Variants in ZFR observed in about 807,000 individuals in gnomAD.
ZFR encodes zinc finger RNA-binding protein.
Under a neutral mutation model 130.7 loss-of-function variants are expected in ZFR, and 19 were observed. That is an observed-to-expected ratio of 0.15 (90% CI 0.10 to 0.21). The LOEUF (loss-of-function observed/expected upper bound fraction) is 0.21, where lower values mean the gene tolerates loss of function less well. ZFR is among the 10% of genes least tolerant of loss of function. The pLI, the probability that ZFR is intolerant of heterozygous loss-of-function variation, is 1.00. For missense variants in ZFR, 872 were observed against 1,321.5 expected, an observed-to-expected ratio of 0.66 and a Z score of 5.27; for synonymous variants, 466 against 456.9, an observed-to-expected ratio of 1.02 and a Z score of -0.25.
At chr5:32,407,090 T>C in intron 5 of ZFR, 69 bp from the exon 6 acceptor site, 2 of 1,257,850 alleles carry the variant, frequency 1.6e-6, no homozygotes, top group Non-Finnish European at 2.1e-6. Context: ...ATTTACAAAT[T>C]TAAATTAAAT....
At position 32,367,328 on chromosome 5, in the gene ZFR, A is replaced by C. The variant is rs985861408; in HGVS notation, c.2836-3053T>G. Among the ~76,000 whole-genome samples, 154 of 152,110 alleles carry C rather than the reference A, an allele frequency of 1.0e-3. 1 individual carries two copies. The highest frequency in any genetic ancestry group is 3.4e-3 in the African/African-American group (142 of 41,514). ...CAGGTGCCTGTAATCTCAGCTACTC[A>C]GGAGGCTGAGGCAGGAGAATCACTT... On this transcript the variant is annotated intron_variant, in intron 17 of 19. Coordinates refer to ENST00000265069, the MANE Select transcript of ZFR (RefSeq NM_016107.5).
chr5:32,435,197 C>A (rs1754307341), intron 2 of ZFR, among the ~76,000 whole-genome samples: 2 of 152,170 alleles, frequency 1.3e-5, no homozygotes, highest in South Asian at 4.1e-4. Context: ...AGGCATGAAC[C>A]ACAACACCCG....
At chr5:32,368,668 A>C (rs1302491219) in intron 17 of ZFR, among the ~76,000 whole-genome samples, 1 of 152,208 alleles carries the variant, frequency 6.6e-6, no homozygotes, top group African/African-American at 2.4e-5. Context: ...ACTGGAAACA[A>C]TCTCTAGCAC....
At chr5:32,408,328 A>ACAAAAC (rs367750726) in intron 5 of ZFR, among the ~76,000 whole-genome samples, 1 of 132,242 alleles carries the variant, frequency 7.6e-6, no homozygotes, top group South Asian at 2.4e-4. Context: ...AAAAAAAAAA[A>ACAAAAC]AAAAAAAAAC....
At chr5:32,420,312 A>T (rs919392689) in intron 2 of ZFR, among the ~76,000 whole-genome samples, 142 of 151,638 alleles carry the variant, frequency 9.4e-4, no homozygotes, top group Non-Finnish European at 1.7e-3. Flanking sequence ...TTTTTTTTTT[A>T]AATTTTCATT....
At chr5:32,366,520 T>C (rs540765479) in intron 17 of ZFR, among the ~76,000 whole-genome samples, 4 of 152,312 alleles carry the variant, frequency 2.6e-5, no homozygotes, top group Admixed American at 6.5e-5. Context: ...AAAAAGTCAA[T>C]ACACTTAAAC....
intron 8 of ZFR, among the ~76,000 whole-genome samples, chr5:32,400,764 G>T (rs11748379): frequency 9.2e-5 from 14 of 152,294 alleles, no homozygotes; most frequent in Non-Finnish European, 1.8e-4. Flanking sequence ...TGAGGTGGAA[G>T]GACTGCTTGA....
intron 14 of ZFR, among the ~76,000 whole-genome samples, chr5:32,386,571 T>C (rs1753050902): frequency 6.6e-6 from 1 of 152,062 alleles, no homozygotes; most frequent in African/African-American, 2.4e-5. Context: ...TCCCCCTTCA[T>C]TGCCCTAGCA....
At chr5:32,389,315 G>T (rs535519276) in intron 12 of ZFR, among the ~76,000 whole-genome samples, 6 of 152,200 alleles carry the variant, frequency 3.9e-5, no homozygotes, top group Middle Eastern at 3.4e-3. Flanking sequence ...CTAAGCCACT[G>T]GTAATGGAAA....
intron 6 of ZFR, 112 bp from the exon 7 acceptor site, chr5:32,404,209 CTT>C: frequency 1.1e-6 from 1 of 923,954 alleles, no homozygotes; most frequent in Non-Finnish European, 1.6e-6. Flanking sequence ...CCAAAACAAA[CTT>C]TTTAAGTTGA....
intron 17 of ZFR, among the ~76,000 whole-genome samples, chr5:32,375,174 C>T (rs1204425422): frequency 6.6e-6 from 1 of 152,126 alleles, no homozygotes; most frequent in Admixed American, 6.5e-5. Flanking sequence ...AATCTATTTA[C>T]ACAGTATTAA....
chr5:32,387,405 G>T, intron 14 of ZFR, 144 bp downstream of exon 14: 1 of 814,192 alleles, frequency 1.2e-6, no homozygotes, highest in Non-Finnish European at 1.9e-6. Flanking sequence ...TCATCAGTTT[G>T]CACAATCAAA....
In ZFR at chr5:32,383,914, T is replaced by TG. The variant is rs1261702801; in HGVS notation, c.2641+1593dup. 7 of 385,758 alleles carry TG rather than the reference T, an allele frequency of 1.8e-5. No homozygotes were observed. In the Admixed American group the frequency reaches 2.0e-4, roughly 11 times the overall value. 23.9% of individuals were successfully genotyped at this position (385,758 alleles called of 1,614,324 possible). A position where few individuals can be genotyped will look rare whatever the true frequency, so the allele number is the denominator to read the frequency against. The stretch of plus-strand genomic sequence containing the variant: ...GTCTTGAAGCAAAATCTTTCCATTT[T>TG]GGACTGACCATTTTCCTCATCATAA... On this transcript the variant is annotated intron_variant, in intron 15 of 19. Transcript: ENST00000265069.
chr5:32,419,295 C>CG (rs555976554), intron 3 of ZFR, among the ~76,000 whole-genome samples: 6 of 151,740 alleles, frequency 4.0e-5, no homozygotes, highest in South Asian at 2.1e-4. Flanking sequence ...GTCAAATGGA[C>CG]GGGGGGTGAG....
chr5:32,386,037 T>G (rs1015411140), intron 14 of ZFR, among the ~76,000 whole-genome samples: 1 of 152,110 alleles, frequency 6.6e-6, no homozygotes, highest in Non-Finnish European at 1.5e-5. Context: ...ACATTTTCTG[T>G]GAAATACACA....
chr5:32,365,772 C>G (rs1436163167), intron 17 of ZFR, among the ~76,000 whole-genome samples: 1 of 151,834 alleles, frequency 6.6e-6, no homozygotes, highest in Non-Finnish European at 1.5e-5. Flanking sequence ...CCATGCCTGG[C>G]TAATTTTTGT....
At chr5:32,383,743 G>T in intron 15 of ZFR, 1 of 456,672 alleles carries the variant, frequency 2.2e-6, no homozygotes, top group South Asian at 1.5e-5. Flanking sequence ...GGGAGCTGCA[G>T]TGAGAGAGAA....
chr5:32,364,860 T>A (rs1341939335), intron 17 of ZFR: 1 of 152,234 alleles, frequency 6.6e-6, no homozygotes, highest in Non-Finnish European at 1.5e-5. Context: ...AATTCACATG[T>A]AAGATTCACC....
Position 32,403,097 on chromosome 5 carries a change from A to G in ZFR, c.1516+9T>C, listed in dbSNP as rs747790052. On this transcript the variant is annotated intron_variant, in intron 8 of 19. Coordinates refer to ENST00000265069, the MANE Select transcript of ZFR (RefSeq NM_016107.5). ...AGAGTCAGCAGGGACAGAGAATATC[A>G]GTACTTGCCAACAAAATTTATTTTG... 2.5e-6 allele frequency: 4 copies of G among 1,612,010 alleles called. No individual in the cohort carries two copies. In the East Asian group the frequency reaches 8.9e-5, roughly 36 times the overall value.
Sources: gnomAD v4.1 joint callset for allele counts (sites outside exome capture counted in the v4.1 genomes callset) on GRCh38, gnomAD v4.1.1 for gene constraint, MANE v1.5 for transcripts, NCBI Gene and HGNC (gene_info 2026-07-23, HGNC 2026-07-21) for gene names.